Variants in KCNT2 observed in about 807,000 individuals in gnomAD.
The protein encoded by KCNT2 is potassium sodium-activated channel subfamily T member 2.
In KCNT2, 67 loss-of-function variants were observed where a neutral mutation model predicts 153.8. That is an observed-to-expected ratio of 0.44 (90% CI 0.36 to 0.53). The LOEUF (loss-of-function observed/expected upper bound fraction) is 0.53, where lower values mean the gene tolerates loss of function less well. Ranked by LOEUF, KCNT2 falls within the 20% of genes least tolerant of loss-of-function variation. The pLI, the probability that KCNT2 is intolerant of heterozygous loss-of-function variation, is 0.00. For missense variants in KCNT2, 975 were observed against 1,354.8 expected (o/e 0.72, Z 4.40); for synonymous variants, 500 against 458.8 (o/e 1.09, Z -1.15).
intron 14 of KCNT2, among the ~76,000 whole-genome samples, chr1:196,345,527 T>A (rs1050646130): frequency 2.6e-5 from 4 of 152,152 alleles, no homozygotes; most frequent in Non-Finnish European, 5.9e-5. Context: ...TAAATAACTG[T>A]ACTATGGCTT....
At chr1:196,531,081 C>A (rs1196649235) in intron 1 of KCNT2, among the ~76,000 whole-genome samples, 9 of 152,062 alleles carry the variant, frequency 5.9e-5, no homozygotes, top group African/African-American at 2.2e-4. Flanking sequence ...GATGAACAAC[C>A]ATGTCCTCTA....
At chr1:196,588,709 T>A (rs1278907537) in intron 1 of KCNT2, among the ~76,000 whole-genome samples, 1 of 152,018 alleles carries the variant, frequency 6.6e-6, no homozygotes, top group African/African-American at 2.4e-5. Flanking sequence ...ACTTATATTT[T>A]ACAATGATTT....
chr1:196,540,033 G>A (rs1026382810), intron 1 of KCNT2, among the ~76,000 whole-genome samples: 1 of 151,976 alleles, frequency 6.6e-6, no homozygotes, highest in Admixed American at 6.6e-5. Context: ...ATTATAAAGT[G>A]AATTAAAATG....
chr1:196,325,858 A>C (rs1296801307), intron 19 of KCNT2, among the ~76,000 whole-genome samples: 1 of 152,140 alleles, frequency 6.6e-6, no homozygotes, highest in Non-Finnish European at 1.5e-5. Flanking sequence ...AATAAACAAC[A>C]CTATAAAGTT....
chr1:196,392,572 C>A (rs1670586503), intron 13 of KCNT2, among the ~76,000 whole-genome samples: 1 of 151,320 alleles, frequency 6.6e-6, no homozygotes, highest in Admixed American at 6.6e-5. Context: ...GCCTGCACAT[C>A]CATATGTTAT....
intron 26 of KCNT2, among the ~76,000 whole-genome samples, chr1:196,237,055 A>T (rs1353516892): frequency 6.6e-6 from 1 of 151,588 alleles, no homozygotes; most frequent in African/African-American, 2.4e-5. Context: ...TTTGACCCAA[A>T]GTCTAAGAAT....
chr1:196,420,693 T>C (rs1673125960), intron 12 of KCNT2, among the ~76,000 whole-genome samples: 1 of 152,024 alleles, frequency 6.6e-6, no homozygotes, highest in Admixed American at 6.6e-5. Context: ...TCCTCCAATC[T>C]TGTGTCAATG....
At chr1:196,394,642 A>C (rs1228152978) in intron 13 of KCNT2, among the ~76,000 whole-genome samples, 1 of 151,594 alleles carries the variant, frequency 6.6e-6, no homozygotes, top group Non-Finnish European at 1.5e-5. Flanking sequence ...GAAGAGTTTT[A>C]GTTTTGCAAA....
chr1:196,314,897 A>G (rs965714793), intron 21 of KCNT2, among the ~76,000 whole-genome samples: 1 of 151,748 alleles, frequency 6.6e-6, no homozygotes, highest in Admixed American at 6.6e-5. Flanking sequence ...GTGCTAAGTA[A>G]GGCATTGCAT....
At chr1:196,273,621 C>A in intron 25 of KCNT2, 1 of 586,716 alleles carries the variant, frequency 1.7e-6, no homozygotes, top group Non-Finnish European at 3.0e-6. Context: ...CAATTGCATG[C>A]ATATTTCTCG....
intron 22 of KCNT2, among the ~76,000 whole-genome samples, chr1:196,294,759 G>A (rs896450024): frequency 6.6e-6 from 1 of 151,716 alleles, no homozygotes; most frequent in African/African-American, 2.4e-5. Flanking sequence ...CAACCTAGGT[G>A]TCCATCATCA....
intron 1 of KCNT2, among the ~76,000 whole-genome samples, chr1:196,517,238 C>T (rs1188273514): frequency 1.3e-5 from 2 of 152,140 alleles, no homozygotes; most frequent in African/African-American, 4.8e-5. Context: ...ACATATGACT[C>T]CAGTAATACC....
intron 18 of KCNT2, among the ~76,000 whole-genome samples, chr1:196,329,597 T>G (rs1166455070): frequency 2.0e-5 from 3 of 151,642 alleles, no homozygotes; most frequent in Non-Finnish European, 4.4e-5. Flanking sequence ...ATATATTATT[T>G]TAAGATTTAT....
At chr1:196,439,378 C>T (rs1675018924) in intron 8 of KCNT2, among the ~76,000 whole-genome samples, 1 of 151,710 alleles carries the variant, frequency 6.6e-6, no homozygotes, top group Non-Finnish European at 1.5e-5. Context: ...AACCAATGTA[C>T]AACAGAAAAT....
intron 1 of KCNT2, among the ~76,000 whole-genome samples, chr1:196,551,631 G>GT (rs1325875846): frequency 6.6e-6 from 1 of 151,676 alleles, no homozygotes; most frequent in Admixed American, 6.6e-5. Flanking sequence ...GGCACTTGCA[G>GT]TGGGGGGTCA....
At chr1:196,396,207 T>A (rs745778740) in intron 13 of KCNT2, among the ~76,000 whole-genome samples, 5 of 151,628 alleles carry the variant, frequency 3.3e-5, no homozygotes, top group African/African-American at 7.3e-5. Flanking sequence ...TTTCTTTATA[T>A]GTAGTCTCTG....
intron 27 of KCNT2, among the ~76,000 whole-genome samples, chr1:196,235,512 GTCTT>G (rs1298354669): frequency 1.3e-5 from 2 of 151,350 alleles, no homozygotes; most frequent in Non-Finnish European, 3.0e-5. Flanking sequence ...AAATGCCTTA[GTCTT>G]TCTATCTCAC....
chr1:196,257,339 G>A lies in KCNT2; in HGVS notation c.3211+855C>T, dbSNP rs148035727. The A allele has an allele frequency of 3.8e-5, 37 of 980,902 alleles. No individual in the cohort carries two copies. In the African/African-American group the frequency reaches 6.1e-4, roughly 16 times the overall value. 60.8% of individuals were successfully genotyped at this position (980,902 alleles called of 1,614,324 possible). A position where few individuals can be genotyped will look rare whatever the true frequency, so the allele number is the denominator to read the frequency against. On this transcript the variant is annotated intron_variant, in intron 26 of 27. Transcript: ENST00000294725. ...TTCAAAGACTAAAATTTCTTCCTAA[G>A]AACATTGCCTCATGTTGAGATTTCA...
At chr1:196,265,068 T>C (rs1657408011) in intron 25 of KCNT2, among the ~76,000 whole-genome samples, 1 of 152,176 alleles carries the variant, frequency 6.6e-6, no homozygotes, top group South Asian at 2.1e-4. Flanking sequence ...TGTAGCCCTT[T>C]CAATACCCTC....
Sources: gnomAD v4.1 joint callset for allele counts (sites outside exome capture counted in the v4.1 genomes callset) on GRCh38, gnomAD v4.1.1 for gene constraint, MANE v1.5 for transcripts, NCBI Gene and HGNC (gene_info 2026-07-23, HGNC 2026-07-21) for gene names.